The following MAGI2 variants were observed in gnomAD, a reference collection of about 807,000 sequenced individuals.
The protein encoded by MAGI2 is membrane associated guanylate kinase, WW and PDZ domain containing 2.
In MAGI2, 35 loss-of-function variants were observed where a neutral mutation model predicts 133.3. The observed-to-expected ratio is 0.26, with a 90% CI of 0.20 to 0.35. The LOEUF is 0.35. Ranked by LOEUF, MAGI2 falls within the 10% of genes least tolerant of loss-of-function variation. The probability of loss-of-function intolerance (pLI) is 1.00; values close to 1 mark genes in which losing one functional copy is unlikely to be tolerated. For missense variants in MAGI2, 1,636 were observed against 1,863.4 expected, an observed-to-expected ratio of 0.88 and a Z score of 2.25; for synonymous variants, 729 against 710.6, an observed-to-expected ratio of 1.03 and a Z score of -0.41.
chr7:78,858,174 C>T (rs1793825376), intron 2 of MAGI2, among the ~76,000 whole-genome samples: 1 of 152,040 alleles, frequency 6.6e-6, no homozygotes, highest in Non-Finnish European at 1.5e-5. Flanking sequence ...AGTGGTCTAT[C>T]AATTTTGTTG....
intron 6 of MAGI2, among the ~76,000 whole-genome samples, chr7:78,463,110 T>C (rs1443084539): frequency 6.6e-6 from 1 of 152,202 alleles, no homozygotes; most frequent in Non-Finnish European, 1.5e-5. Flanking sequence ...TGGTTCTTGA[T>C]GTAATTTGCC....
At position 78,728,540 on chromosome 7, in the gene MAGI2, CTTTTTTTTTTTTTTTTTTTTTTTTTTTT is replaced by C. The variant is rs71085560; in HGVS notation, c.419-101329_419-101302del. 6.7e-5 allele frequency among the ~76,000 whole-genome samples: 4 copies of C among 60,070 alleles called. 1 individual carries two copies. Among genetic ancestry groups the C allele is most frequent in the East Asian group, 5.1e-4 (1 of 1,968 alleles). The allele number at this position is 60,070 out of a possible 152,430, so 39.4% of individuals were successfully genotyped here. A position where few individuals can be genotyped will look rare whatever the true frequency, so the allele number is the denominator to read the frequency against. On this transcript the variant is annotated intron_variant, in intron 2 of 21. Transcript: ENST00000354212. ...ATTGGTATGTCCATCTTTCTCTGAT[CTTTTTTTTTTTTTTTTTTTTTTTTTTTT>C]TTTTTTTTTTTTTTTGAGACGGAGT...
chr7:79,391,514 T>TATATATATATATATATAGAC lies in MAGI2; in HGVS notation c.301+61505_301+61506insGTCTATATATATATATATAT, dbSNP rs1563180519. Among the ~76,000 whole-genome samples, 53 of 46,310 alleles carry TATATATATATATATATAGAC rather than the reference T, an allele frequency of 1.1e-3. 1 individual carries two copies. Among genetic ancestry groups the TATATATATATATATATAGAC allele is most frequent in the African/African-American group, 5.3e-3 (15 of 2,838 alleles). 30.4% of individuals were successfully genotyped at this position (46,310 alleles called of 152,430 possible). On this transcript the variant is annotated intron_variant, in intron 1 of 21. Transcript: ENST00000354212. The stretch of plus-strand genomic sequence containing the variant: ...ATATATATATATATATAGACATATA[T>TATATATATATATATATAGAC]ATATATATATATATATATATATAGA...
chr7:78,119,397 A>G (rs959189285), intron 20 of MAGI2, among the ~76,000 whole-genome samples: 1 of 151,824 alleles, frequency 6.6e-6, no homozygotes, highest in Non-Finnish European at 1.5e-5. Context: ...CGTCTCTACT[A>G]AAAGTACAAA....
chr7:78,348,909 C>A (rs1336247518), intron 7 of MAGI2, among the ~76,000 whole-genome samples: 1 of 152,168 alleles, frequency 6.6e-6, no homozygotes, highest in African/African-American at 2.4e-5. Context: ...AGCTTTTAAG[C>A]TGCTAATTCA....
chr7:78,766,521 C>T (rs1825041607), intron 2 of MAGI2, among the ~76,000 whole-genome samples: 1 of 152,126 alleles, frequency 6.6e-6, no homozygotes, highest in Non-Finnish European at 1.5e-5. Flanking sequence ...AAGCTTGTGT[C>T]TTCTCCTCCA....
At chr7:78,457,743 T>C (rs989030389) in intron 6 of MAGI2, among the ~76,000 whole-genome samples, 4 of 152,190 alleles carry the variant, frequency 2.6e-5, no homozygotes, top group African/African-American at 9.6e-5. Context: ...ATTCTATTTT[T>C]ATAGACTAAA....
At chr7:78,541,600 T>C (rs1264599365) in intron 3 of MAGI2, among the ~76,000 whole-genome samples, 1 of 152,166 alleles carries the variant, frequency 6.6e-6, no homozygotes, top group East Asian at 1.9e-4. Flanking sequence ...TTTCAAAGTG[T>C]AGGCCCCAGA....
At chr7:78,308,567 A>C (rs1798432975) in intron 9 of MAGI2, among the ~76,000 whole-genome samples, 2 of 151,288 alleles carry the variant, frequency 1.3e-5, no homozygotes, top group Non-Finnish European at 2.9e-5. Context: ...GGATGGAGGC[A>C]CAGTAGTCTG....
intron 6 of MAGI2, among the ~76,000 whole-genome samples, chr7:78,462,076 G>C (rs1417206997): frequency 6.6e-6 from 1 of 151,936 alleles, no homozygotes; most frequent in Non-Finnish European, 1.5e-5. Context: ...TCAAATATGT[G>C]ACTCCATGGC....
At chr7:79,252,720 T>C (rs1310032655) in intron 1 of MAGI2, among the ~76,000 whole-genome samples, 2 of 152,160 alleles carry the variant, frequency 1.3e-5, no homozygotes, top group Non-Finnish European at 2.9e-5. Context: ...ATGTGCTTGA[T>C]AAATAAATAT....
At chr7:78,722,835 A>G (rs186243884) in intron 2 of MAGI2, among the ~76,000 whole-genome samples, 28 of 152,220 alleles carry the variant, frequency 1.8e-4, no homozygotes, top group Admixed American at 1.5e-3. Flanking sequence ...AAATGTGGGT[A>G]CTTATGTTTT....
intron 1 of MAGI2, among the ~76,000 whole-genome samples, chr7:79,214,154 C>A (rs76714716): frequency 0.026 from 3,972 of 151,426 alleles, 86 homozygotes; most frequent in East Asian, 0.05. Flanking sequence ...AGTCTCTGGG[C>A]AGATATTCAT....
At chr7:78,734,400 T>C (rs1439492797) in intron 2 of MAGI2, among the ~76,000 whole-genome samples, 1 of 152,152 alleles carries the variant, frequency 6.6e-6, no homozygotes, top group East Asian at 1.9e-4. Flanking sequence ...AGAAAGCAGT[T>C]GCCTAAAGAG....
chr7:78,122,947 C>T (rs893912345), intron 20 of MAGI2, among the ~76,000 whole-genome samples: 1 of 152,114 alleles, frequency 6.6e-6, no homozygotes, highest in South Asian at 2.1e-4. Context: ...AATTTCATCC[C>T]TCCCAATTTT....
intron 3 of MAGI2, among the ~76,000 whole-genome samples, chr7:78,573,076 T>TATATATATACAC (rs1230373322): frequency 3.8e-5 from 2 of 52,582 alleles, no homozygotes; most frequent in African/African-American, 1.9e-4. Flanking sequence ...TATATATATA[T>TATATATATACAC]ACACACACAC....
At chr7:79,422,820 AAAT>A (rs1424939824) in intron 1 of MAGI2, among the ~76,000 whole-genome samples, 1 of 152,070 alleles carries the variant, frequency 6.6e-6, no homozygotes, top group African/African-American at 2.4e-5. Context: ...CAATGGCAAT[AAAT>A]ATAGAATGCC....
chr7:78,361,584 A>G (rs1792816871), intron 7 of MAGI2, among the ~76,000 whole-genome samples: 1 of 152,192 alleles, frequency 6.6e-6, no homozygotes, highest in Non-Finnish European at 1.5e-5. Flanking sequence ...ATTGTTTGTA[A>G]AAAAGAACAT....
Position 79,438,872 on chromosome 7 carries a change from C to T in MAGI2, c.301+14148G>A, listed in dbSNP as rs531383875. On this transcript the variant is annotated intron_variant, in intron 1 of 21. Transcript: ENST00000354212. The stretch of plus-strand genomic sequence containing the variant: ...AAATAAAACAAAAAACAGAAAACCA[C>T]TTTATGTTTCTCCTTCGCCTAAACA... Among the ~76,000 whole-genome samples, 25 of 152,254 alleles carry T rather than the reference C, an allele frequency of 1.6e-4. No individual in the cohort carries two copies. The South Asian group carries it at 2.9e-3, about 18-fold the overall frequency.
Sources: gnomAD v4.1 joint callset for allele counts (sites outside exome capture counted in the v4.1 genomes callset) on GRCh38, gnomAD v4.1.1 for gene constraint, MANE v1.5 for transcripts, NCBI Gene and HGNC (gene_info 2026-07-23, HGNC 2026-07-21) for gene names.